The following RBFOX3 variants were observed in gnomAD, a reference collection of about 807,000 sequenced individuals.
The protein encoded by RBFOX3 is RNA binding fox-1 homolog 3.
In RBFOX3, 17 loss-of-function variants were observed where a neutral mutation model predicts 48.7. The ratio of observed to expected loss-of-function variants is 0.35; its 90% CI spans 0.24 to 0.52. The LOEUF is 0.52. Ranked by LOEUF, RBFOX3 falls within the 20% of genes least tolerant of loss-of-function variation. The pLI is 0.94. For synonymous variants in RBFOX3, 212 were observed against 209.5 expected (o/e 1.01, Z -0.10); for missense variants, 382 against 497.5 (o/e 0.77, Z 2.21).
chr17:79,345,179 C>T (rs1362802195), intron 2 of RBFOX3, among the ~76,000 whole-genome samples: 2 of 152,214 alleles, frequency 1.3e-5, no homozygotes, highest in Non-Finnish European at 2.9e-5. Context: ...AGCTTCTCTT[C>T]TCCACCTGTT....
At chr17:79,153,915 A>C (rs2612777) in intron 4 of RBFOX3, among the ~76,000 whole-genome samples, 101,604 of 151,912 alleles carry the variant, frequency 0.67, 34,248 homozygotes, top group East Asian at 0.73. Flanking sequence ...TCCACCCTCA[A>C]GTGACAACCG....
chr17:79,262,114 G>A (rs982198704), intron 3 of RBFOX3, among the ~76,000 whole-genome samples: 2 of 152,246 alleles, frequency 1.3e-5, no homozygotes, highest in African/African-American at 4.8e-5. Flanking sequence ...TGCCTGGGCT[G>A]TATGTTAAAC....
chr17:79,097,575 G>A, intron 10 of RBFOX3, 117 bp downstream of exon 10: 3 of 1,419,442 alleles, frequency 2.1e-6, no homozygotes, highest in African/African-American at 3.0e-5. Context: ...CACGGCGACG[G>A]GAGGGCGGGG....
At chr17:79,521,212 G>T (rs983040692) in intron 1 of RBFOX3, among the ~76,000 whole-genome samples, 1 of 149,562 alleles carries the variant, frequency 6.7e-6, no homozygotes, top group African/African-American at 2.5e-5. Flanking sequence ...ACACACTCAC[G>T]CTCAGACACA....
chr17:79,169,517 G>A (rs1304197723), intron 4 of RBFOX3, among the ~76,000 whole-genome samples: 2 of 152,164 alleles, frequency 1.3e-5, no homozygotes, highest in African/African-American at 2.4e-5. Context: ...GCCTGCCTCC[G>A]CCAGGGCTGC....
chr17:79,354,502 G>A (rs2147088525), intron 2 of RBFOX3, among the ~76,000 whole-genome samples: 1 of 152,384 alleles, frequency 6.6e-6, no homozygotes. Flanking sequence ...TGGTTCCATA[G>A]TTCAGCCCTT....
intron 4 of RBFOX3, among the ~76,000 whole-genome samples, chr17:79,124,623 C>A (rs1675265): frequency 6.6e-6 from 1 of 150,806 alleles, no homozygotes; most frequent in Admixed American, 6.6e-5. Flanking sequence ...AGGGATGGCA[C>A]CAGCTCGGGT....
intron 2 of RBFOX3, among the ~76,000 whole-genome samples, chr17:79,315,970 G>A (rs182957648): frequency 6.6e-6 from 1 of 152,178 alleles, no homozygotes; most frequent in Non-Finnish European, 1.5e-5. Context: ...AGCAGCTCTG[G>A]GAGGGGTCTT....
At position 79,466,578 on chromosome 17, in the gene RBFOX3, C is replaced by T. The variant is rs373210681; in HGVS notation, c.-175+15876G>A. Among the ~76,000 whole-genome samples, 34 of 152,356 alleles carry T rather than the reference C, an allele frequency of 2.2e-4. No individual in the cohort carries two copies. The South Asian group carries it at 4.8e-3, about 21-fold the overall frequency. On this transcript the variant is annotated intron_variant, in intron 2 of 14. Transcript: ENST00000693108. ...AGGGACCAATAACATGCCACAGTGA[C>T]CTCAGGCCATGCATGCCCATTGGAG...
rs1235437150 is a variant in RBFOX3, at chr17:79,242,715, G to A, written c.-73-6910C>T. On this transcript the variant is annotated intron_variant, in intron 3 of 14. Transcript: ENST00000693108. The surrounding 1 kb of genome is among the most constrained non-coding windows in gnomAD (Gnocchi z 5.8). ...AGTCCCTGGAGTGGCTTTGGGTTCT[G>A]AGCACACTGCCCATACTTAGGTCTG... Among the ~76,000 whole-genome samples the A allele has an allele frequency of 6.6e-6, 1 of 152,138 alleles. No homozygotes were observed. The highest frequency in any genetic ancestry group is 1.5e-5 in the Non-Finnish European group (1 of 68,020).
rs1218941859 is a variant in RBFOX3, at chr17:79,111,304, T to C, written c.222+4190A>G. 2.0e-5 allele frequency among the ~76,000 whole-genome samples: 3 copies of C among 152,076 alleles called. No individual in the cohort carries two copies. The highest frequency in any genetic ancestry group is 4.4e-5 in the Non-Finnish European group (3 of 67,992). The stretch of plus-strand genomic sequence containing the variant: ...AGACATCAGGCCCTTGCGGCCCACG[T>C]GGGGTCCCTTCTGGCAGGTGGAGGA... On this transcript the variant is annotated intron_variant, in intron 5 of 14. Coordinates refer to ENST00000693108, the MANE Select transcript of RBFOX3 (RefSeq NM_001350451.2). This position sits in a 1 kb window ranked among gnomAD's most constrained non-coding sequence, Gnocchi z 4.2.
chr17:79,562,645 G>C (rs1171970004), intron 1 of RBFOX3, among the ~76,000 whole-genome samples: 1 of 152,122 alleles, frequency 6.6e-6, no homozygotes, highest in South Asian at 2.1e-4. Flanking sequence ...AGTACCACCC[G>C]GGCTGTTGCT....
At chr17:79,183,877 C>A (rs550157095) in intron 4 of RBFOX3, among the ~76,000 whole-genome samples, 2 of 152,270 alleles carry the variant, frequency 1.3e-5, no homozygotes, top group South Asian at 4.1e-4. Flanking sequence ...CTCCCTCGCG[C>A]CCTCCCACGC....
intron 4 of RBFOX3, among the ~76,000 whole-genome samples, chr17:79,166,390 T>C (rs568181951): frequency 9.3e-4 from 142 of 152,088 alleles, no homozygotes; most frequent in Non-Finnish European, 1.4e-3. Context: ...GACTGAGCCA[T>C]GCAGCAATGG....
intron 4 of RBFOX3, among the ~76,000 whole-genome samples, chr17:79,124,970 C>T (rs959060099): frequency 6.6e-6 from 1 of 152,132 alleles, no homozygotes; most frequent in Admixed American, 6.5e-5. Context: ...CTAGTCATTG[C>T]TTCCTCCACG....
intron 2 of RBFOX3, among the ~76,000 whole-genome samples, chr17:79,427,905 T>C (rs1555726450): frequency 6.6e-6 from 1 of 152,250 alleles, no homozygotes; most frequent in African/African-American, 2.4e-5. Context: ...CAGCCACTTC[T>C]TTTCCAAAGC....
intron 4 of RBFOX3, among the ~76,000 whole-genome samples, chr17:79,201,015 G>A (rs769184070): frequency 1.4e-4 from 22 of 151,920 alleles, no homozygotes; most frequent in African/African-American, 3.4e-4. Context: ...ATTCCCACAC[G>A]TCTGTGTTCT....
At chr17:79,488,319 G>A (rs1016084477) in intron 1 of RBFOX3, among the ~76,000 whole-genome samples, 12 of 150,534 alleles carry the variant, frequency 8.0e-5, no homozygotes, top group Admixed American at 1.3e-4. Flanking sequence ...AGGCAGAAGT[G>A]GCCGGTGAGT....
Position 79,315,086 on chromosome 17 carries a change from T to C in RBFOX3, c.-174-7262A>G, listed in dbSNP as rs548847952. Among the ~76,000 whole-genome samples the C allele has an allele frequency of 1.3e-3, 192 of 152,304 alleles. 2 individuals carry two copies. The highest frequency in any genetic ancestry group is 2.0e-3 in the Admixed American group (30 of 15,286). On this transcript the variant is annotated intron_variant, in intron 2 of 14. Coordinates refer to ENST00000693108, the MANE Select transcript of RBFOX3 (RefSeq NM_001350451.2). ...AGGAGTGAGAGACCCTGATTATACA[T>C]GCGTGACACAAAGCTGGTGTCAAAG...
Sources: allele counts gnomAD v4.1 joint callset (sites outside exome capture counted in the v4.1 genomes callset), GRCh38; gene constraint gnomAD v4.1.1; non-coding constraint Gnocchi (gnomAD v3.1); transcripts MANE v1.5; gene names NCBI Gene and HGNC (gene_info 2026-07-23, HGNC 2026-07-21).